CACNA2D3: variants seen among roughly 807,000 people sequenced by gnomAD.
CACNA2D3 encodes the protein calcium voltage-gated channel auxiliary subunit alpha2delta 3.
In CACNA2D3, 60 loss-of-function variants were observed where a neutral mutation model predicts 160.6. The observed-to-expected ratio is 0.37, with a 90% CI of 0.30 to 0.46. The LOEUF (loss-of-function observed/expected upper bound fraction) is 0.46. CACNA2D3 is among the 20% of genes least tolerant of loss of function. The probability of loss-of-function intolerance (pLI) is 1.00; values close to 1 mark genes in which losing one functional copy is unlikely to be tolerated. For synonymous variants in CACNA2D3, 558 were observed against 492.9 expected (o/e 1.13, Z -1.75); for missense variants, 1,205 against 1,365.0 (o/e 0.88, Z 1.85).
At chr3:54,907,762 C>G (rs553488962) in intron 27 of CACNA2D3, among the ~76,000 whole-genome samples, 1 of 152,142 alleles carries the variant, frequency 6.6e-6, no homozygotes, top group East Asian at 1.9e-4. Context: ...TAGGAAACCA[C>G]TCGTGTGCTT....
At chr3:54,402,027 A>T (rs1305811824) in intron 4 of CACNA2D3, among the ~76,000 whole-genome samples, 1 of 152,180 alleles carries the variant, frequency 6.6e-6, no homozygotes, top group Non-Finnish European at 1.5e-5. Flanking sequence ...GAGTGTTTGT[A>T]TGAGAATGAA....
chr3:54,497,394 T>A (rs1701218886), intron 4 of CACNA2D3, among the ~76,000 whole-genome samples: 1 of 152,082 alleles, frequency 6.6e-6, no homozygotes, highest in Admixed American at 6.5e-5. Flanking sequence ...ATAAATGCTA[T>A]TATTTTCCAG....
intron 27 of CACNA2D3, among the ~76,000 whole-genome samples, chr3:54,953,426 A>G (rs985992711): frequency 3.9e-5 from 6 of 152,096 alleles, no homozygotes; most frequent in African/African-American, 1.4e-4. Context: ...AGACTCATGA[A>G]ATTCCCCACC....
intron 4 of CACNA2D3, among the ~76,000 whole-genome samples, chr3:54,471,008 G>A (rs1700720939): frequency 6.6e-6 from 1 of 152,160 alleles, no homozygotes; most frequent in Non-Finnish European, 1.5e-5. Flanking sequence ...CAATGAGACA[G>A]AAAATTAACA....
intron 6 of CACNA2D3, among the ~76,000 whole-genome samples, chr3:54,568,402 C>T (rs1247976077): frequency 2.6e-5 from 4 of 152,114 alleles, no homozygotes; most frequent in African/African-American, 9.7e-5. Context: ...CAAGAAACAT[C>T]CACTGAACAC....
rs749946729 is a variant in CACNA2D3 at position 54,826,390 on chromosome 3, T to C, written c.1398+9520T>C. 1.5e-3 allele frequency among the ~76,000 whole-genome samples: 233 copies of C among 152,244 alleles called. 3 individuals are homozygous for C. Among genetic ancestry groups the C allele is most frequent in the Non-Finnish European group, 2.3e-3 (157 of 67,994 alleles). The stretch of plus-strand genomic sequence containing the variant: ...GCTACCAAGAAGTTCAAAAACAAAA[T>C]GTTAGATGTTTATCCCTTCAAATTA... On this transcript the variant is annotated intron_variant, in intron 14 of 37. Coordinates refer to ENST00000474759, the MANE Select transcript of CACNA2D3 (RefSeq NM_018398.3).
chr3:54,269,561 T>C (rs1189650634), intron 2 of CACNA2D3, among the ~76,000 whole-genome samples: 1 of 152,150 alleles, frequency 6.6e-6, no homozygotes, highest in Non-Finnish European at 1.5e-5. Context: ...ATGATTGGTG[T>C]GCTGTGATGG....
chr3:54,279,324 G>A (rs1186868558), intron 2 of CACNA2D3, among the ~76,000 whole-genome samples: 1 of 152,224 alleles, frequency 6.6e-6, no homozygotes, highest in Non-Finnish European at 1.5e-5. Context: ...CGGGTGGGCA[G>A]CAGTGACCTT....
chr3:55,073,587 A>G, intron 36 of CACNA2D3, 30 bp downstream of exon 36: 1 of 1,545,780 alleles, frequency 6.5e-7, no homozygotes, highest in Non-Finnish European at 8.9e-7. Context: ...TCCACTCACT[A>G]CCACGGAAAC....
chr3:54,921,921 AAAG>A (rs895503242), intron 27 of CACNA2D3, among the ~76,000 whole-genome samples: 2 of 148,868 alleles, frequency 1.3e-5, no homozygotes, highest in Non-Finnish European at 3.0e-5. Context: ...TCTTTTTTTA[AAAG>A]AAGATCTTGA....
intron 2 of CACNA2D3, among the ~76,000 whole-genome samples, chr3:54,259,069 T>G (rs899140852): frequency 3.9e-5 from 6 of 152,220 alleles, no homozygotes; most frequent in African/African-American, 1.4e-4. Context: ...TCCCATAAGC[T>G]TCAGCCACAA....
intron 3 of CACNA2D3, among the ~76,000 whole-genome samples, chr3:54,369,564 A>T (rs1294953273): frequency 6.6e-6 from 1 of 152,140 alleles, no homozygotes; most frequent in Non-Finnish European, 1.5e-5. Flanking sequence ...GATGAATCTC[A>T]GCCCTTAGAC....
intron 16 of CACNA2D3, among the ~76,000 whole-genome samples, chr3:54,843,300 G>A (rs1698861858): frequency 6.6e-6 from 1 of 152,190 alleles, no homozygotes; most frequent in Non-Finnish European, 1.5e-5. Context: ...ACATAGTGAT[G>A]ATGGTATGGA....
At chr3:54,500,682 T>A (rs753561831) in intron 4 of CACNA2D3, among the ~76,000 whole-genome samples, 4 of 152,214 alleles carry the variant, frequency 2.6e-5, no homozygotes, top group Non-Finnish European at 2.9e-5. Context: ...GTGACTTAAT[T>A]TTCTCTCCTC....
At chr3:54,712,542 G>T (rs1412152817) in intron 11 of CACNA2D3, among the ~76,000 whole-genome samples, 3 of 152,158 alleles carry the variant, frequency 2.0e-5, no homozygotes, top group Non-Finnish European at 2.9e-5. Context: ...CCATTCTCTT[G>T]TCTGCCACCA....
chr3:54,914,353 T>G (rs1213385933), intron 27 of CACNA2D3, among the ~76,000 whole-genome samples: 1 of 152,206 alleles, frequency 6.6e-6, no homozygotes, highest in Non-Finnish European at 1.5e-5. Flanking sequence ...ATGTCTGCAA[T>G]GGATAGAAAG....
intron 3 of CACNA2D3, among the ~76,000 whole-genome samples, chr3:54,367,889 A>C (rs1698853999): frequency 1.3e-5 from 2 of 151,362 alleles, no homozygotes; most frequent in South Asian, 2.1e-4. Context: ...CCCACCTTGA[A>C]CTCTAGTATT....
chr3:54,775,200 A>G (rs932598522), intron 13 of CACNA2D3, among the ~76,000 whole-genome samples: 7 of 152,234 alleles, frequency 4.6e-5, no homozygotes, highest in Admixed American at 6.5e-5. Flanking sequence ...CCAAAAGGAA[A>G]TTGATCCTGG....
chr3:55,053,015 C>G (rs892450366), intron 35 of CACNA2D3, among the ~76,000 whole-genome samples: 1 of 151,972 alleles, frequency 6.6e-6, no homozygotes, highest in African/African-American at 2.4e-5. Flanking sequence ...GTAGAATATA[C>G]TGACCATATT....
Sources: gnomAD v4.1 joint callset for allele counts (sites outside exome capture counted in the v4.1 genomes callset) on GRCh38, gnomAD v4.1.1 for gene constraint, MANE v1.5 for transcripts, NCBI Gene and HGNC (gene_info 2026-07-23, HGNC 2026-07-21) for gene names.